TTC7B: variants seen among roughly 807,000 people sequenced by gnomAD.
TTC7B encodes tetratricopeptide repeat protein 7B.
In TTC7B, 28 loss-of-function variants were observed where a neutral mutation model predicts 106.8. The ratio of observed to expected loss-of-function variants is 0.26; its 90% CI spans 0.19 to 0.36. The LOEUF is 0.36. Ranked by LOEUF, TTC7B falls within the 10% of genes least tolerant of loss-of-function variation. The probability of loss-of-function intolerance (pLI) is 1.00; values close to 1 mark genes in which losing one functional copy is unlikely to be tolerated. For missense variants in TTC7B, 862 were observed against 1,076.4 expected, an observed-to-expected ratio of 0.80 and a Z score of 2.79; for synonymous variants, 405 against 430.6, an observed-to-expected ratio of 0.94 and a Z score of 0.74.
intron 16 of TTC7B, 79 bp from the exon 17 acceptor site, chr14:90,610,918 C>T: frequency 1.1e-6 from 1 of 928,294 alleles, no homozygotes; most frequent in Non-Finnish European, 1.8e-6. Context: ...ATACTGACTC[C>T]TGAAGGCCAA....
chr14:90,743,210 C>G (rs543463542), intron 4 of TTC7B, among the ~76,000 whole-genome samples: 3 of 152,122 alleles, frequency 2.0e-5, no homozygotes, highest in Admixed American at 2.0e-4. Context: ...TATCTTAAAC[C>G]ATGGCTTATA....
At chr14:90,798,849 C>G (rs554861446) in intron 1 of TTC7B, among the ~76,000 whole-genome samples, 1 of 151,780 alleles carries the variant, frequency 6.6e-6, no homozygotes, top group East Asian at 1.9e-4. Context: ...GACATGGACA[C>G]GATGTAGGAG....
chr14:90,554,292 G>A (rs973249020), intron 19 of TTC7B, among the ~76,000 whole-genome samples: 1 of 152,360 alleles, frequency 6.6e-6, no homozygotes, highest in East Asian at 1.9e-4. Flanking sequence ...CGGGGTTGCA[G>A]TGAGCAGGGC....
rs1889154842 is a variant in TTC7B at position 90,526,626 on chromosome 14, C to T, written c.*14742G>A. On this transcript the variant is annotated 3_prime_UTR_variant, in exon 20 of 20. Coordinates refer to ENST00000328459, the MANE Select transcript of TTC7B (RefSeq NM_001010854.2). ...TAATCCCCACATGTCATGGGAGGGA[C>T]CCGGTGCAAGGTAATTGAATCATGG... 1.3e-5 allele frequency: 2 copies of T among 152,310 alleles called. No individual in the cohort carries two copies. The highest frequency in any genetic ancestry group is 4.8e-5 in the African/African-American group (2 of 41,560). 9.4% of individuals were successfully genotyped at this position (152,310 alleles called of 1,614,324 possible). A position where few individuals can be genotyped will look rare whatever the true frequency, so the allele number is the denominator to read the frequency against.
intron 13 of TTC7B, chr14:90,648,400 G>A (rs1403496475): frequency 1.3e-5 from 2 of 152,194 alleles, no homozygotes; most frequent in African/African-American, 2.4e-5. Flanking sequence ...ACCCAGGCTG[G>A]AGTGCAGTGG....
chr14:90,778,610 C>G (rs930897632), intron 3 of TTC7B, among the ~76,000 whole-genome samples: 6 of 150,430 alleles, frequency 4.0e-5, no homozygotes, highest in Non-Finnish European at 8.9e-5. Flanking sequence ...ACACACACAG[C>G]TGCTGAGGCA....
At chr14:90,686,126 T>TA (rs1427764505) in intron 7 of TTC7B, among the ~76,000 whole-genome samples, 1 of 151,986 alleles carries the variant, frequency 6.6e-6, no homozygotes. Flanking sequence ...CCAGCAATAA[T>TA]AAAAAGGAGT....
chr14:90,599,011 C>T (rs769796846), intron 17 of TTC7B, among the ~76,000 whole-genome samples: 12 of 152,058 alleles, frequency 7.9e-5, no homozygotes, highest in Non-Finnish European at 1.2e-4. Flanking sequence ...ATTAGCCGGG[C>T]CTGGTGGCGG....
chr14:90,553,031 C>CG (rs1375885129), intron 19 of TTC7B, among the ~76,000 whole-genome samples: 1 of 152,214 alleles, frequency 6.6e-6, no homozygotes, highest in African/African-American at 2.4e-5. Context: ...GGGGCAGGGA[C>CG]GGGGCCTGTG....
At chr14:90,616,197 C>T (rs534549022) in intron 16 of TTC7B, among the ~76,000 whole-genome samples, 2 of 152,188 alleles carry the variant, frequency 1.3e-5, no homozygotes, top group East Asian at 1.9e-4. Context: ...GAAAGCGCTC[C>T]GGCGCCGAGG....
At chr14:90,584,318 A>T (rs936060274) in intron 18 of TTC7B, among the ~76,000 whole-genome samples, 11 of 152,182 alleles carry the variant, frequency 7.2e-5, no homozygotes, top group African/African-American at 2.7e-4. Context: ...TTCCTCGTTC[A>T]TTCATTCATT....
Position 90,805,737 on chromosome 14 carries a change from C to T in TTC7B, c.121+10438G>A, listed in dbSNP as rs2030566559. ...AAAGCCTGAAGCCGAATAGAGACCA[C>T]TAGTGAGACTCTCATCAAAGAGATA... On this transcript the variant is annotated intron_variant, in intron 1 of 19. Transcript: ENST00000328459. This position sits in a 1 kb window ranked among gnomAD's most constrained non-coding sequence, Gnocchi z 4.0. Among the ~76,000 whole-genome samples, 1 of 152,236 alleles carries T rather than the reference C, an allele frequency of 6.6e-6. No homozygotes were observed.
At chr14:90,591,966 C>T (rs970829246) in intron 18 of TTC7B, among the ~76,000 whole-genome samples, 1 of 152,234 alleles carries the variant, frequency 6.6e-6, no homozygotes, top group Non-Finnish European at 1.5e-5. Context: ...ACTGTGAATT[C>T]ATGAATCACC....
At chr14:90,553,938 T>C (rs1890195011) in intron 19 of TTC7B, among the ~76,000 whole-genome samples, 1 of 152,252 alleles carries the variant, frequency 6.6e-6, no homozygotes, top group African/African-American at 2.4e-5. Flanking sequence ...TGGAATATTC[T>C]GGAGGAGCTT....
At chr14:90,703,246 A>G (rs1888069210) in intron 5 of TTC7B, among the ~76,000 whole-genome samples, 1 of 152,256 alleles carries the variant, frequency 6.6e-6, no homozygotes, top group Non-Finnish European at 1.5e-5. Flanking sequence ...AAAGTGCAGA[A>G]AAAAGACAAT....
chr14:90,532,694 C>G lies in TTC7B; in HGVS notation c.*8674G>C, dbSNP rs1486004672. The G allele has an allele frequency of 2.0e-5, 3 of 152,192 alleles. No individual in the cohort carries two copies. The highest frequency in any genetic ancestry group is 4.4e-5 in the Non-Finnish European group (3 of 68,026). 9.4% of individuals were successfully genotyped at this position (152,192 alleles called of 1,614,324 possible). Reference sequence around the variant, plus strand: ...GTTTGGGGTCTGTCTTCCCAGTCCCCAATAAGACCACCAGCTCCCCAGCCC... The same window carrying G: ...GTTTGGGGTCTGTCTTCCCAGTCCCGAATAAGACCACCAGCTCCCCAGCCC... On this transcript the variant is annotated 3_prime_UTR_variant, in exon 20 of 20. Coordinates refer to ENST00000328459, the MANE Select transcript of TTC7B (RefSeq NM_001010854.2).
chr14:90,780,766 C>CCGCA lies in TTC7B; in HGVS notation c.413_416dup (p.Val140AlafsTer25). 1 of 1,614,234 alleles carries CCGCA rather than the reference C, an allele frequency of 6.2e-7. No homozygotes were observed. Among genetic ancestry groups the CCGCA allele is most frequent in the Non-Finnish European group, 8.5e-7 (1 of 1,180,044 alleles). ...TGGTAGCGTAGGCTTCTGCGATCACCCGCAGCCTGTAGGGCGGGACAGCTG... is the reference window on the plus strand; with the variant it reads ...TGGTAGCGTAGGCTTCTGCGATCACCCGCACGCAGCCTGTAGGGCGGGACAGCTG... On this transcript the variant is annotated frameshift_variant, in exon 3 of 20. Transcript: ENST00000328459. LOFTEE classifies it high-confidence loss of function.
chr14:90,696,070 C>T (rs2139947793), intron 5 of TTC7B, among the ~76,000 whole-genome samples: 1 of 152,250 alleles, frequency 6.6e-6, no homozygotes, highest in African/African-American at 2.4e-5. Context: ...ATAAACTTAT[C>T]AAACCCAGTA....
intron 1 of TTC7B, among the ~76,000 whole-genome samples, chr14:90,798,564 A>G (rs994035572): frequency 2.6e-5 from 4 of 152,056 alleles, no homozygotes; most frequent in Admixed American, 1.3e-4. Flanking sequence ...TACAAAAGTT[A>G]GCTGGTATGG....
Sources: gnomAD v4.1 joint callset for allele counts (sites outside exome capture counted in the v4.1 genomes callset) on GRCh38, gnomAD v4.1.1 for gene constraint, Gnocchi (gnomAD v3.1) non-coding constraint, MANE v1.5 for transcripts, NCBI Gene and HGNC (gene_info 2026-07-23, HGNC 2026-07-21) for gene names.